The following MBOAT7 variants were observed in gnomAD, a reference collection of about 807,000 sequenced individuals.
The protein encoded by MBOAT7 is membrane bound acylglycerophosphatidylinositol O-acyltransferase MBOAT7.
In MBOAT7, 40 loss-of-function variants were observed where a neutral mutation model predicts 47.4. That is an observed-to-expected ratio of 0.84 (90% CI 0.66 to 1.10). The LOEUF (loss-of-function observed/expected upper bound fraction) is 1.10. Among genes scored for constraint, MBOAT7 ranks in the 50% least tolerant of loss-of-function variants. The probability of loss-of-function intolerance (pLI) is 0.00; values close to 1 mark genes in which losing one functional copy is unlikely to be tolerated. For synonymous variants in MBOAT7, 361 were observed against 292.0 expected (o/e 1.24, Z -2.41); for missense variants, 680 against 655.6 (o/e 1.04, Z -0.41).
chr19:54,174,788 C>T (rs920548575), intron 7 of MBOAT7, among the ~76,000 whole-genome samples: 1 of 152,258 alleles, frequency 6.6e-6, no homozygotes, highest in East Asian at 1.9e-4. Flanking sequence ...CACTCAGACC[C>T]ATGACCCTAG....
chr19:54,181,020 G>C lies in MBOAT7; in HGVS notation c.607C>G (p.Leu203Val). 1 of 1,555,338 alleles carries C rather than the reference G, an allele frequency of 6.4e-7. No homozygotes were observed. The highest frequency in any genetic ancestry group is 8.7e-7 in the Non-Finnish European group (1 of 1,150,118). Residue 203 changes from leucine to valine, a missense_variant, in exon 6 of 8, where the codon CTG becomes GTG. Transcript: ENST00000245615. ...AGGTGAGAGGAGAGCAGGAACAGCA[G>C]GCCGAAGAGCGGGGCCGGCCAGGCG... ...RRAWPAPLFG[L>V]LFLLSSHLFP...
chr19:54,175,870 G>A lies in MBOAT7; in HGVS notation c.1032-1439C>T, dbSNP rs530640512. Among the ~76,000 whole-genome samples the A allele has an allele frequency of 5.3e-5, 8 of 152,296 alleles. No homozygotes were observed. The South Asian group carries it at 1.7e-3, about 32-fold the overall frequency. ...CTCCCGAGCAGCTGGGACTACAGGT[G>A]CCCACCACCATGCCAGGCTAATTTT... is the stretch of plus-strand genomic sequence containing the variant. On this transcript the variant is annotated intron_variant, in intron 7 of 7. Coordinates refer to ENST00000245615, the MANE Select transcript of MBOAT7 (RefSeq NM_024298.5).
rs147943964 is a variant in MBOAT7, at chr19:54,180,942, C to A, written c.685G>T (p.Ala229Ser). 7 of 1,586,390 alleles carry A rather than the reference C, an allele frequency of 4.4e-6. No individual in the cohort carries two copies. The highest frequency in any genetic ancestry group is 5.1e-6 in the Non-Finnish European group (6 of 1,168,644). ...ACGGGGATCATGTAGAAGAGGCGGG[C>A]GGGCAGCGGGCGGGCGTAGAAGGCG... The part of the protein sequence containing the change: ...EDAFYARPLP[A>S]RLFYMIPVFF... The change falls in exon 6 of 8, where the codon GCC (alanine) becomes TCC (serine). Residue 229 changes from alanine (A) to serine (S), a missense_variant. By Grantham distance (99) the Ala-to-Ser change is moderately conservative. Coordinates refer to ENST00000245615, the MANE Select transcript of MBOAT7 (RefSeq NM_024298.5). This position sits in a 1 kb window ranked among gnomAD's most constrained non-coding sequence, Gnocchi z 5.2.
chr19:54,175,230 G>A lies in MBOAT7; in HGVS notation c.1032-799C>T, dbSNP rs537289317. 1.8e-4 allele frequency among the ~76,000 whole-genome samples: 28 copies of A among 152,210 alleles called. 1 individual carries two copies. In the East Asian group the frequency reaches 2.1e-3, roughly 12 times the overall value. The stretch of plus-strand genomic sequence containing the variant: ...CCTGACCTCGTGATCTGCCCGCCTT[G>A]GCCTCCCAAAGTGCTGGGATCACAG... On this transcript the variant is annotated intron_variant, in intron 7 of 7. Coordinates refer to ENST00000245615, the MANE Select transcript of MBOAT7 (RefSeq NM_024298.5).
chr19:54,181,020 G>A lies in MBOAT7; in HGVS notation c.607C>T (p.Leu203=). 6.4e-7 allele frequency: 1 copy of A among 1,555,338 alleles called. No homozygotes were observed. Among genetic ancestry groups the A allele is most frequent in the Non-Finnish European group, 8.7e-7 (1 of 1,150,118 alleles). Residue 203 remains leucine, a synonymous_variant, in exon 6 of 8, where the codon CTG becomes TTG. Coordinates refer to ENST00000245615, the MANE Select transcript of MBOAT7 (RefSeq NM_024298.5). ...AGGTGAGAGGAGAGCAGGAACAGCA[G>A]GCCGAAGAGCGGGGCCGGCCAGGCG... ...RRAWPAPLFG[L]LFLLSSHLFP...
chr19:54,178,039 T>G (rs1301904766), intron 7 of MBOAT7, among the ~76,000 whole-genome samples: 1 of 148,894 alleles, frequency 6.7e-6, no homozygotes, highest in Non-Finnish European at 1.5e-5. Context: ...GCCTCCCGAG[T>G]AGCTGGGACT....
rs534942399 is a variant in MBOAT7 at position 54,178,860 on chromosome 19, C to T, written c.936G>A (p.Arg312=). 1.5e-5 allele frequency: 24 copies of T among 1,613,668 alleles called. No individual in the cohort carries two copies. The highest frequency in any genetic ancestry group is 1.7e-4 in the Middle Eastern group (1 of 6,060). The change falls in exon 7 of 8, where the codon CGG becomes CGA. Residue 312 remains arginine, a synonymous_variant. Coordinates refer to ENST00000245615, the MANE Select transcript of MBOAT7 (RefSeq NM_024298.5). ...IDCYSTDFCV[R]VRDGMRYWNM... ...TCCAGTACCGCATGCCATCGCGCAC[C>T]CGCACGCAGAAATCTGTGCTGTAGC... is the stretch of plus-strand genomic sequence containing the variant.
intron 4 of MBOAT7, among the ~76,000 whole-genome samples, chr19:54,185,550 C>T (rs1209619669): frequency 6.6e-6 from 1 of 152,184 alleles, no homozygotes; most frequent in African/African-American, 2.4e-5. Context: ...CAGACCTACC[C>T]ACAGCCAGCC....
intron 7 of MBOAT7, 86 bp from the exon 8 acceptor site, chr19:54,174,517 C>G: frequency 1.5e-6 from 2 of 1,352,214 alleles, no homozygotes; most frequent in Non-Finnish European, 1.9e-6. Flanking sequence ...GGACCCCAGC[C>G]CCTCCTCCCT....
chr19:54,181,498 A>G (rs2146994757), intron 5 of MBOAT7, among the ~76,000 whole-genome samples: 1 of 151,336 alleles, frequency 6.6e-6, no homozygotes, highest in East Asian at 2.0e-4. Context: ...ACTACAAAAA[A>G]TAAAAATCAG....
At position 54,181,026 on chromosome 19, in the gene MBOAT7, A is replaced by G. The variant is rs2146991414; in HGVS notation, c.601T>C (p.Phe201Leu). 1 of 1,553,284 alleles carries G rather than the reference A, an allele frequency of 6.4e-7. No individual in the cohort carries two copies. Among genetic ancestry groups the G allele is most frequent in the Non-Finnish European group, 8.7e-7 (1 of 1,149,020 alleles). The change falls in exon 6 of 8, where the codon TTC becomes CTC. Residue 201 changes from phenylalanine to leucine, a missense_variant. Coordinates refer to ENST00000245615, the MANE Select transcript of MBOAT7 (RefSeq NM_024298.5). Reference sequence around the variant, plus strand: ...GAGGAGAGCAGGAACAGCAGGCCGAAGAGCGGGGCCGGCCAGGCGCGGCGC... The same window carrying G: ...GAGGAGAGCAGGAACAGCAGGCCGAGGAGCGGGGCCGGCCAGGCGCGGCGC... The part of the protein sequence containing the change: ...LLRRAWPAPL[F>L]GLLFLLSSHL...
intron 7 of MBOAT7, among the ~76,000 whole-genome samples, chr19:54,177,352 G>A (rs189424672): frequency 0.014 from 2,178 of 151,338 alleles, 44 homozygotes; most frequent in African/African-American, 0.049. Context: ...CTGGAGTGCA[G>A]TGGCGCGATC....
chr19:54,176,002 C>A (rs775936240), intron 7 of MBOAT7, among the ~76,000 whole-genome samples: 1 of 151,814 alleles, frequency 6.6e-6, no homozygotes. Context: ...GGATTACAGG[C>A]GTGAGCCACT....
At chr19:54,175,849 C>T (rs550986279) in intron 7 of MBOAT7, among the ~76,000 whole-genome samples, 18 of 152,318 alleles carry the variant, frequency 1.2e-4, no homozygotes, top group Non-Finnish European at 2.1e-4. Context: ...CTCAGCCTCC[C>T]GAGCAGCTGG....
chr19:54,177,447 C>A (rs2076140054), intron 7 of MBOAT7, among the ~76,000 whole-genome samples: 1 of 151,704 alleles, frequency 6.6e-6, no homozygotes, highest in African/African-American at 2.4e-5. Flanking sequence ...ATGCACCCGC[C>A]GCCACACCCG....
In MBOAT7 at chr19:54,178,991, C is replaced by G. The variant is rs376980728; in HGVS notation, c.855-50G>C. The G allele has an allele frequency of 3.1e-6, 5 of 1,595,054 alleles. No individual in the cohort carries two copies. The Admixed American group carries it at 6.8e-5, about 22-fold the overall frequency. ...GGGACAGACATGCAGCTCAGCCAGG[C>G]CCCCTCCCGACGCCTGCTAGTGTCC... On this transcript the variant is annotated intron_variant, in intron 6 of 7. Transcript: ENST00000245615.
chr19:54,188,165 T>C, intron 3 of MBOAT7, 52 bp downstream of exon 3: 1 of 1,525,224 alleles, frequency 6.6e-7, no homozygotes, highest in South Asian at 1.3e-5. Context: ...AGGAAACAGG[T>C]TGCTTCCCCC....
chr19:54,174,662 C>T (rs1213327444), intron 7 of MBOAT7, among the ~76,000 whole-genome samples: 2 of 143,944 alleles, frequency 1.4e-5, no homozygotes, highest in Non-Finnish European at 3.1e-5. Flanking sequence ...ACCCCACCTC[C>T]CTCCTCCCTC....
At chr19:54,186,565 C>T (rs1366740163) in intron 4 of MBOAT7, among the ~76,000 whole-genome samples, 1 of 152,190 alleles carries the variant, frequency 6.6e-6, no homozygotes, top group Non-Finnish European at 1.5e-5. Flanking sequence ...GCCTGAAATG[C>T]TCCTCCACGA....
Sources: allele counts gnomAD v4.1 joint callset (sites outside exome capture counted in the v4.1 genomes callset), GRCh38; gene constraint gnomAD v4.1.1; non-coding constraint Gnocchi (gnomAD v3.1); transcripts MANE v1.5; gene names NCBI Gene and HGNC (gene_info 2026-07-23, HGNC 2026-07-21).